Variants in RPS18 observed in about 807,000 individuals in gnomAD.
The protein encoded by RPS18 is ribosomal protein S18.
For synonymous variants in RPS18, 64 were observed against 70.9 expected (o/e 0.90, Z 0.49); for missense variants, 49 against 200.8 (o/e 0.24, Z 4.57).
At chr6:33,272,404 C>T (rs1169142912) in intron 1 of RPS18, 2 of 605,636 alleles carry the variant, frequency 3.3e-6, no homozygotes, top group East Asian at 5.5e-5. Flanking sequence ...GACCTGCTTC[C>T]TCTCTCCAGA....
chr6:33,273,511 G>T (rs912772694), intron 2 of RPS18, among the ~76,000 whole-genome samples: 1 of 152,118 alleles, frequency 6.6e-6, no homozygotes, highest in East Asian at 1.9e-4. Context: ...GCGACGTTAG[G>T]GAATGGATAG....
At chr6:33,272,396 C>T (rs1012439253) in intron 1 of RPS18, 1 of 604,712 alleles carries the variant, frequency 1.7e-6, no homozygotes, top group Non-Finnish European at 2.9e-6. Context: ...GGGCAGGAGA[C>T]CTGCTTCCTC....
rs1324943453 is a variant in RPS18 at position 33,275,883 on chromosome 6, G to C, written c.189G>C (p.Glu63Asp). The change falls in exon 3 of 6, where the codon GAG becomes GAC. Residue 63 changes from glutamate (E) to aspartate (D), a missense_variant and splice_region_variant. Glu to Asp is a conservative substitution (Grantham distance 45). Transcript: ENST00000439602. ...GGGCGGGAGAACTCACTGAGGATGA[G>C]GTGAGGACAAGGAAGGGGGCTGGGG... ...TKRAGELTEDEVERVITIMQN... is the reference protein window; with the variant it reads ...TKRAGELTEDDVERVITIMQN... The C allele has an allele frequency of 6.2e-7, 1 of 1,611,426 alleles. No homozygotes were observed. The highest frequency in any genetic ancestry group is 1.1e-5 in the South Asian group (1 of 91,038).
intron 2 of RPS18, among the ~76,000 whole-genome samples, chr6:33,273,932 C>T (rs1765460882): frequency 6.6e-6 from 1 of 151,974 alleles, no homozygotes; most frequent in Non-Finnish European, 1.5e-5. Context: ...TCTTCTGAAT[C>T]AACCTAATAA....
chr6:33,273,936 CTAA>C (rs1765461784), intron 2 of RPS18, among the ~76,000 whole-genome samples: 1 of 151,978 alleles, frequency 6.6e-6, no homozygotes, highest in African/African-American at 2.4e-5. Context: ...CTGAATCAAC[CTAA>C]TAATTTGACC....
chr6:33,276,049 G>A lies in RPS18; in HGVS notation c.274G>A (p.Asp92Asn). Residue 92 changes from aspartate to asparagine, a missense_variant, in exon 4 of 6, where the codon GAT becomes AAT. Transcript: ENST00000439602. Reference sequence around the variant, plus strand: ...CTTGAACAGACAGAAGGATGTAAAGGATGGAAAATACAGCCAGGTGTGTAC... The same window carrying A: ...CTTGAACAGACAGAAGGATGTAAAGAATGGAAAATACAGCCAGGTGTGTAC... ...WFLNRQKDVK[D>N]GKYSQVLANG... 6.2e-7 allele frequency: 1 copy of A among 1,614,042 alleles called. No homozygotes were observed. The highest frequency in any genetic ancestry group is 1.6e-4 in the Middle Eastern group (1 of 6,062).
chr6:33,272,905 TAAG>T (rs1199619376), intron 2 of RPS18, among the ~76,000 whole-genome samples, 179 bp downstream of exon 2: 1 of 152,000 alleles, frequency 6.6e-6, no homozygotes, highest in Non-Finnish European at 1.5e-5. Context: ...CCACAGAAAA[TAAG>T]TGATTAAAGC....
chr6:33,272,259 G>A, intron 1 of RPS18, 137 bp downstream of exon 1: 2 of 990,558 alleles, frequency 2.0e-6, no homozygotes, highest in South Asian at 2.9e-5. Flanking sequence ...TCCCTGGAAA[G>A]GGACACCAAA....
intron 2 of RPS18, 149 bp from the exon 3 acceptor site, chr6:33,275,648 A>T: frequency 1.4e-6 from 1 of 707,692 alleles, no homozygotes; most frequent in Admixed American, 2.1e-5. Flanking sequence ...AACGGTTTAT[A>T]TCTGGAAAGG....
chr6:33,276,439 C>T lies in RPS18; in HGVS notation c.432C>T (p.Arg144=), dbSNP rs372905989. The T allele has an allele frequency of 9.9e-6, 16 of 1,613,576 alleles. No individual in the cohort carries two copies. In the African/African-American group the frequency reaches 1.7e-4, roughly 18 times the overall value. The change falls in exon 6 of 6, where the codon CGC becomes CGT. Residue 144 remains arginine, a synonymous_variant. Coordinates refer to ENST00000439602, the MANE Select transcript of RPS18 (RefSeq NM_022551.3). ...QHTKTTGRRG[R]TVGVSKKK ...CCAAGACCACTGGCCGCCGTGGCCG[C>T]ACCGTGGGTGTGTCCAAGAAGAAAT...
At chr6:33,272,578 G>A (rs761567495) in intron 1 of RPS18, 50 bp from the exon 2 acceptor site, 2 of 862,844 alleles carry the variant, frequency 2.3e-6, no homozygotes, top group Non-Finnish European at 2.0e-6. Flanking sequence ...CGGCCTTACT[G>A]TTTGATAGTT....
intron 2 of RPS18, 87 bp downstream of exon 2, chr6:33,272,813 CTT>C: frequency 1.3e-6 from 1 of 778,310 alleles, no homozygotes; most frequent in Non-Finnish European, 2.4e-6. Context: ...GCTGGGGAGA[CTT>C]GAGTCTCATC....
intron 3 of RPS18, 40 bp downstream of exon 3, chr6:33,275,923 A>C: frequency 6.2e-7 from 1 of 1,607,526 alleles, no homozygotes; most frequent in Admixed American, 1.7e-5. Context: ...GGTCAGCCTC[A>C]GAAAGGGGTC....
At chr6:33,274,734 T>C (rs992904661) in intron 2 of RPS18, among the ~76,000 whole-genome samples, 1 of 152,202 alleles carries the variant, frequency 6.6e-6, no homozygotes, top group African/African-American at 2.4e-5. Context: ...GATTTGTCAT[T>C]GGATCTAGAG....
At chr6:33,275,073 C>A (rs372760581) in intron 2 of RPS18, among the ~76,000 whole-genome samples, 136 of 152,212 alleles carry the variant, frequency 8.9e-4, no homozygotes, top group African/African-American at 3.2e-3. Context: ...ATAATTGTGA[C>A]CCTTAGAGAT....
chr6:33,273,290 G>T (rs2150875962), intron 2 of RPS18, among the ~76,000 whole-genome samples: 1 of 152,218 alleles, frequency 6.6e-6, no homozygotes, highest in East Asian at 1.9e-4. Context: ...TGGCTTTTAA[G>T]AATCGAATCA....
At position 33,276,436 on chromosome 6, in the gene RPS18, C is replaced by T. The variant is rs562549593; in HGVS notation, c.429C>T (p.Gly143=). The T allele has an allele frequency of 8.1e-6, 13 of 1,613,678 alleles. No individual in the cohort carries two copies. In the Admixed American group the frequency reaches 1.5e-4, roughly 19 times the overall value. The change falls in exon 6 of 6, where the codon GGC becomes GGT. Residue 143 remains glycine, a synonymous_variant. Coordinates refer to ENST00000439602, the MANE Select transcript of RPS18 (RefSeq NM_022551.3). The part of the protein sequence containing the change: ...GQHTKTTGRR[G]RTVGVSKKK ...ACACCAAGACCACTGGCCGCCGTGGCCGCACCGTGGGTGTGTCCAAGAAGA... is the reference window on the plus strand; with the variant it reads ...ACACCAAGACCACTGGCCGCCGTGGTCGCACCGTGGGTGTGTCCAAGAAGA...
Position 33,272,099 on chromosome 6 carries a change from G to A in RPS18, c.-21G>A, listed in dbSNP as rs373729309. ...TCTCTCTTCCACAGGAGGCCTACAC[G>A]CCGCCGCTTGTGCTGCAGCCATGGT... On this transcript the variant is annotated 5_prime_UTR_variant, in exon 1 of 6. Transcript: ENST00000439602. The A allele has an allele frequency of 4.5e-6, 7 of 1,566,110 alleles. No individual in the cohort carries two copies. Among genetic ancestry groups the A allele is most frequent in the Admixed American group, 1.9e-5 (1 of 53,382 alleles).
rs766204577 is a variant in RPS18 at position 33,272,741 on chromosome 6, G to A, written c.102+15G>A. The A allele has an allele frequency of 1.1e-5, 13 of 1,222,534 alleles. No individual in the cohort carries two copies. The highest frequency in any genetic ancestry group is 2.3e-5 in the East Asian group (1 of 43,294). The allele number at this position is 1,222,534 out of a possible 1,614,324, so 75.7% of individuals were successfully genotyped here. On this transcript the variant is annotated intron_variant, in intron 2 of 5. Transcript: ENST00000439602. ...CTGCCATTAAGGTAAGTGAAGTAGG[G>A]TAAGGAATAGGGAATGTAAATGAGA... is the stretch of plus-strand genomic sequence containing the variant.
Sources: allele counts gnomAD v4.1 joint callset (sites outside exome capture counted in the v4.1 genomes callset), GRCh38; gene constraint gnomAD v4.1.1; transcripts MANE v1.5; gene names NCBI Gene and HGNC (gene_info 2026-07-23, HGNC 2026-07-21).